Variants in NCAM1 observed in about 807,000 individuals in gnomAD.
NCAM1 encodes neural cell adhesion molecule 1.
NCAM1 carries 14 observed loss-of-function variants against 109.8 expected under a neutral mutation model. The observed-to-expected ratio is 0.13, with a 90% CI of 0.08 to 0.20. The LOEUF is 0.20. Ranked by LOEUF, NCAM1 falls within the 10% of genes least tolerant of loss-of-function variation. NCAM1 has a pLI of 1.00. For synonymous variants in NCAM1, 418 were observed against 442.9 expected, an observed-to-expected ratio of 0.94 and a Z score of 0.70; for missense variants, 774 against 1,109.9, an observed-to-expected ratio of 0.70 and a Z score of 4.30.
chr11:113,158,088 A>AAT (rs1404432808), intron 1 of NCAM1, among the ~76,000 whole-genome samples: 1 of 152,178 alleles, frequency 6.6e-6, no homozygotes. Context: ...TGACAATAAT[A>AAT]ATATATATAA....
chr11:112,976,635 A>G (rs1297194135), intron 1 of NCAM1, among the ~76,000 whole-genome samples: 4 of 151,900 alleles, frequency 2.6e-5, no homozygotes, highest in African/African-American at 9.7e-5. Flanking sequence ...TATCTATTCT[A>G]TAAAACCTGA....
At chr11:113,214,837 C>G (rs548148665) in intron 8 of NCAM1, among the ~76,000 whole-genome samples, 1 of 152,296 alleles carries the variant, frequency 6.6e-6, no homozygotes, top group East Asian at 1.9e-4. Flanking sequence ...AGGCAATATC[C>G]TGGTCCACCA....
chr11:113,068,748 T>C (rs1555084705), intron 1 of NCAM1, among the ~76,000 whole-genome samples: 2 of 152,178 alleles, frequency 1.3e-5, no homozygotes, highest in Non-Finnish European at 2.9e-5. Flanking sequence ...TTAGCAACCT[T>C]ACCACTGGAA....
intron 14 of NCAM1, chr11:113,236,159 AT>A (rs1945161450): frequency 1.2e-6 from 1 of 825,920 alleles, no homozygotes; most frequent in Non-Finnish European, 1.9e-6. Flanking sequence ...CTTTCTCTGG[AT>A]TTGAAGTAAT....
chr11:113,134,135 C>G (rs1428972280), intron 1 of NCAM1, among the ~76,000 whole-genome samples: 2 of 152,132 alleles, frequency 1.3e-5, no homozygotes, highest in African/African-American at 4.8e-5. Flanking sequence ...AAAGAACTTT[C>G]CTTTTCCTTT....
intron 1 of NCAM1, among the ~76,000 whole-genome samples, chr11:113,051,901 G>A (rs1344401902): frequency 2.6e-5 from 4 of 152,190 alleles, no homozygotes; most frequent in Admixed American, 1.3e-4. Flanking sequence ...AGTTGTAAAT[G>A]TTTTTGAGAC....
chr11:113,134,955 G>A (rs1591356846), intron 1 of NCAM1, among the ~76,000 whole-genome samples: 1 of 152,190 alleles, frequency 6.6e-6, no homozygotes, highest in Middle Eastern at 3.4e-3. Context: ...ACTCATCACT[G>A]GGGCACACTG....
intron 1 of NCAM1, among the ~76,000 whole-genome samples, chr11:113,136,424 C>G (rs1468161692): frequency 6.6e-6 from 1 of 152,174 alleles, no homozygotes; most frequent in African/African-American, 2.4e-5. Context: ...CTCCAGAGGG[C>G]TCTCCTTCGC....
Position 113,232,723 on chromosome 11 carries a change from C to T in NCAM1, c.1431C>T (p.Thr477=). 2 of 1,613,160 alleles carry T rather than the reference C, an allele frequency of 1.2e-6. No individual in the cohort carries two copies. The highest frequency in any genetic ancestry group is 1.7e-6 in the Non-Finnish European group (2 of 1,179,178). ...NTPSASYLEV[T]PDSENDFGNY... ...ATAGCTTCTTCCTTCTAAAGGTGAC[C>T]CCAGACTCTGAGAATGATTTTGGGA... The change falls in exon 12 of 20, where the codon ACC becomes ACT. Residue 477 remains threonine, a synonymous_variant. Coordinates refer to ENST00000316851, the MANE Select transcript of NCAM1 (RefSeq NM_181351.5).
rs2137832595 is a variant in NCAM1 at position 113,277,457 on chromosome 11, A to C, written c.*2070A>C. The C allele has an allele frequency of 2.5e-6, 1 of 399,080 alleles. No individual in the cohort carries two copies. Among genetic ancestry groups the C allele is most frequent in the Non-Finnish European group, 4.4e-6 (1 of 226,084 alleles). 24.7% of individuals were successfully genotyped at this position (399,080 alleles called of 1,614,324 possible). On this transcript the variant is annotated 3_prime_UTR_variant, in exon 20 of 20. Coordinates refer to ENST00000316851, the MANE Select transcript of NCAM1 (RefSeq NM_181351.5). Reference sequence around the variant, plus strand: ...ATGCACAGGCCCTCAGAATAGAGGAACATGAAGAGAGATCTTAGAGCACAC... The same window carrying C: ...ATGCACAGGCCCTCAGAATAGAGGACCATGAAGAGAGATCTTAGAGCACAC...
chr11:113,010,896 A>G (rs952761193), intron 1 of NCAM1, among the ~76,000 whole-genome samples: 4 of 152,176 alleles, frequency 2.6e-5, no homozygotes, highest in Non-Finnish European at 4.4e-5. Context: ...AGGAGTCATA[A>G]GATCAGGAGT....
chr11:113,190,590 T>G (rs1399974714), intron 1 of NCAM1, among the ~76,000 whole-genome samples: 2 of 152,178 alleles, frequency 1.3e-5, no homozygotes, highest in African/African-American at 4.8e-5. Flanking sequence ...CCTACCCTGA[T>G]GAGTGGTGAA....
chr11:113,028,257 C>A (rs1278427754), intron 1 of NCAM1, among the ~76,000 whole-genome samples: 1 of 152,028 alleles, frequency 6.6e-6, no homozygotes, highest in Non-Finnish European at 1.5e-5. Context: ...GGTCATTATA[C>A]AACGTATACA....
intron 1 of NCAM1, among the ~76,000 whole-genome samples, chr11:113,143,141 G>A (rs971661811): frequency 9.2e-5 from 14 of 152,120 alleles, no homozygotes; most frequent in Middle Eastern, 3.4e-3. Context: ...CTCTAGTATC[G>A]TGTAATACCC....
chr11:113,256,519 G>GT (rs1945839195), intron 16 of NCAM1, among the ~76,000 whole-genome samples: 1 of 152,292 alleles, frequency 6.6e-6, no homozygotes, highest in African/African-American at 2.4e-5. Context: ...GGGTGAGGCA[G>GT]TTTGAATCCA....
At chr11:113,064,367 AC>A (rs1937839543) in intron 1 of NCAM1, among the ~76,000 whole-genome samples, 3 of 152,242 alleles carry the variant, frequency 2.0e-5, no homozygotes, top group Non-Finnish European at 4.4e-5. Flanking sequence ...AAGAGGACAT[AC>A]TTGGGGTAAA....
At position 113,226,506 on chromosome 11, in the gene NCAM1, C is replaced by T. The variant is rs372881082; in HGVS notation, c.1090-5139C>T. ...GGGAGACTTTAACACCCACTGTCAA[C>T]ATTAGACAGATCCACAAGACAGAAA... On this transcript the variant is annotated intron_variant, in intron 9 of 19. Coordinates refer to ENST00000316851, the MANE Select transcript of NCAM1 (RefSeq NM_181351.5). Among the ~76,000 whole-genome samples, 12 of 152,182 alleles carry T rather than the reference C, an allele frequency of 7.9e-5. No individual in the cohort carries two copies. In the East Asian group the frequency reaches 1.3e-3, roughly 17 times the overall value.
At chr11:113,003,672 C>G (rs1375543961) in intron 1 of NCAM1, among the ~76,000 whole-genome samples, 1 of 152,204 alleles carries the variant, frequency 6.6e-6, no homozygotes, top group South Asian at 2.1e-4. Flanking sequence ...AAGTCACTTA[C>G]TTGTGCATTA....
intron 1 of NCAM1, among the ~76,000 whole-genome samples, chr11:113,121,262 C>T (rs1940945655): frequency 7.5e-6 from 1 of 133,554 alleles, no homozygotes; most frequent in Non-Finnish European, 1.6e-5. Flanking sequence ...GTTCTGTCAC[C>T]CAGGCTGGAG....
Sources: gnomAD v4.1 joint callset for allele counts (sites outside exome capture counted in the v4.1 genomes callset) on GRCh38, gnomAD v4.1.1 for gene constraint, MANE v1.5 for transcripts, NCBI Gene and HGNC (gene_info 2026-07-23, HGNC 2026-07-21) for gene names.